FOXN2: variants seen among roughly 807,000 people sequenced by gnomAD.
FOXN2 encodes forkhead box N2, also known as forkhead box protein N2.
In FOXN2, 19 loss-of-function variants were observed where a neutral mutation model predicts 41.2. The ratio of observed to expected loss-of-function variants is 0.46; its 90% CI spans 0.32 to 0.68. The LOEUF (loss-of-function observed/expected upper bound fraction) is 0.68, where lower values mean the gene tolerates loss of function less well. Among genes scored for constraint, FOXN2 ranks in the 30% least tolerant of loss-of-function variants. The pLI is 0.03. For missense variants in FOXN2, 587 were observed against 509.4 expected, an observed-to-expected ratio of 1.15 and a Z score of -1.47; for synonymous variants, 195 against 176.8, an observed-to-expected ratio of 1.10 and a Z score of -0.82.
chr2:48,370,391 T>G (rs1439436754), intron 5 of FOXN2, among the ~76,000 whole-genome samples: 1 of 152,204 alleles, frequency 6.6e-6, no homozygotes, highest in Admixed American at 6.5e-5. Flanking sequence ...TTGATTCAAA[T>G]CCTTTGTACT....
chr2:48,349,856 C>A (rs972706585), intron 3 of FOXN2, among the ~76,000 whole-genome samples: 3 of 152,140 alleles, frequency 2.0e-5, no homozygotes, highest in African/African-American at 7.2e-5. Context: ...AAATGGCAGT[C>A]GTAAAAGAAT....
In FOXN2 at chr2:48,346,244, T is replaced by G. The variant is rs993313032; in HGVS notation, c.30T>G (p.Asp10Glu). 1.9e-6 allele frequency: 3 copies of G among 1,612,922 alleles called. No individual in the cohort carries two copies. Among genetic ancestry groups the G allele is most frequent in the Admixed American group, 1.7e-5 (1 of 59,668 alleles). The change falls in exon 3 of 7, where the codon GAT (aspartate) becomes GAG (glutamate). Residue 10 changes from aspartate to glutamate, a missense_variant. Physicochemically the swap from Asp to Glu is conservative, Grantham distance 45. Transcript: ENST00000340553. MGPVIGMTPDKRAETPGAEK... is the reference protein window; with the variant it reads MGPVIGMTPEKRAETPGAEK... ...GTCCAGTAATTGGAATGACTCCAGATAAGAGAGCTGAAACCCCAGGAGCTG... is the reference window on the plus strand; with the variant it reads ...GTCCAGTAATTGGAATGACTCCAGAGAAGAGAGCTGAAACCCCAGGAGCTG...
chr2:48,355,685 C>T (rs1671749803), intron 3 of FOXN2, among the ~76,000 whole-genome samples: 1 of 151,998 alleles, frequency 6.6e-6, no homozygotes, highest in Admixed American at 6.6e-5. Flanking sequence ...ACCTTGACAG[C>T]ACTTTTCTGA....
At chr2:48,342,822 T>C (rs1010508931) in intron 2 of FOXN2, among the ~76,000 whole-genome samples, 1 of 152,222 alleles carries the variant, frequency 6.6e-6, no homozygotes, top group African/African-American at 2.4e-5. Context: ...CTTACTAAGA[T>C]AATGTCAGCA....
chr2:48,339,661 C>T (rs1473169090), intron 2 of FOXN2, among the ~76,000 whole-genome samples: 3 of 152,154 alleles, frequency 2.0e-5, no homozygotes, highest in East Asian at 3.8e-4. Flanking sequence ...ATATACACTC[C>T]TGGTTAGTGG....
intron 1 of FOXN2, among the ~76,000 whole-genome samples, chr2:48,323,228 G>A (rs746132853): frequency 1.3e-5 from 2 of 151,852 alleles, no homozygotes; most frequent in Non-Finnish European, 2.9e-5. Context: ...TGTTTACAAC[G>A]TGTAATGATC....
chr2:48,357,937 C>G lies in FOXN2; in HGVS notation c.538-1110C>G, dbSNP rs796574531. Among the ~76,000 whole-genome samples the G allele has an allele frequency of 3.2e-4, 48 of 150,960 alleles. 1 individual carries two copies. The highest frequency in any genetic ancestry group is 1.0e-3 in the African/African-American group (43 of 41,118). ...AATGTGATATCTTGCTGCTAAACAC[C>G]AGGAAAATGTTTCTCCTGATAATCC... On this transcript the variant is annotated intron_variant, in intron 3 of 6. Coordinates refer to ENST00000340553, the MANE Select transcript of FOXN2 (RefSeq NM_002158.4).
At chr2:48,341,278 T>C (rs1022958142) in intron 2 of FOXN2, among the ~76,000 whole-genome samples, 3 of 152,164 alleles carry the variant, frequency 2.0e-5, no homozygotes, top group African/African-American at 7.2e-5. Flanking sequence ...AAGATGTAGT[T>C]TCTCATAAGA....
At chr2:48,354,505 C>T (rs921280571) in intron 3 of FOXN2, among the ~76,000 whole-genome samples, 2 of 152,144 alleles carry the variant, frequency 1.3e-5, no homozygotes, top group Non-Finnish European at 2.9e-5. Flanking sequence ...GAGGCTGAGG[C>T]AGGAGAATCA....
rs184123111 is a variant in FOXN2 at position 48,328,681 on chromosome 2, A to C, written c.-36A>C. ...CACTGTATGACTTATAGTACAGGTG[A>C]TATTACTTCTGATTCTAGATGGTAA... On this transcript the variant is annotated 5_prime_UTR_variant, in exon 2 of 7. Coordinates refer to ENST00000340553, the MANE Select transcript of FOXN2 (RefSeq NM_002158.4). 17 of 152,278 alleles carry C rather than the reference A, an allele frequency of 1.1e-4. No homozygotes were observed. In the East Asian group the frequency reaches 2.5e-3, roughly 22 times the overall value. 9.4% of individuals were successfully genotyped at this position (152,278 alleles called of 1,614,324 possible). A position where few individuals can be genotyped will look rare whatever the true frequency, so the allele number is the denominator to read the frequency against.
intron 1 of FOXN2, among the ~76,000 whole-genome samples, chr2:48,321,263 C>G (rs1558608792): frequency 6.6e-6 from 1 of 152,144 alleles, no homozygotes; most frequent in Non-Finnish European, 1.5e-5. Context: ...AGGCTGGGCA[C>G]AGTGGCTCAT....
At chr2:48,355,070 G>A (rs1413060789) in intron 3 of FOXN2, among the ~76,000 whole-genome samples, 1 of 152,096 alleles carries the variant, frequency 6.6e-6, no homozygotes, top group African/African-American at 2.4e-5. Flanking sequence ...CTCCCCTAGA[G>A]TAACATTCAT....
intron 4 of FOXN2, among the ~76,000 whole-genome samples, chr2:48,362,163 T>C (rs1377289614): frequency 1.3e-5 from 2 of 152,268 alleles, no homozygotes; most frequent in African/African-American, 4.8e-5. Context: ...CCTATGCTCT[T>C]TCTGCTTTGG....
intron 5 of FOXN2, among the ~76,000 whole-genome samples, chr2:48,364,656 A>G (rs1159679515): frequency 6.6e-6 from 1 of 152,268 alleles, no homozygotes; most frequent in Non-Finnish European, 1.5e-5. Context: ...TAGACTAGAA[A>G]AGGGGTTGGC....
chr2:48,371,109 C>T (rs572051228), intron 5 of FOXN2, among the ~76,000 whole-genome samples: 8 of 152,034 alleles, frequency 5.3e-5, no homozygotes, highest in South Asian at 4.2e-4. Flanking sequence ...AGTCCACTGG[C>T]GGAGGGGGTG....
intron 5 of FOXN2, among the ~76,000 whole-genome samples, chr2:48,365,140 G>T (rs1400413090): frequency 1.3e-5 from 2 of 152,098 alleles, no homozygotes; most frequent in African/African-American, 4.8e-5. Context: ...ACCTTTCTGT[G>T]TATCAGAAAT....
In FOXN2 at chr2:48,362,652, A is replaced by G; in HGVS notation, c.648A>G (p.Leu216=). The change falls in exon 5 of 7, where the codon TTA becomes TTG. Residue 216 remains leucine, a synonymous_variant. Transcript: ENST00000340553. ...FSSASSQNGS[L]SPHYLSSVIK... is the part of the protein sequence containing the mutation. Reference sequence around the variant, plus strand: ...TCTGTTTGTTTTTCAGTGGTTCTTTATCACCTCACTATTTAAGCTCTGTAA... The same window carrying G: ...TCTGTTTGTTTTTCAGTGGTTCTTTGTCACCTCACTATTTAAGCTCTGTAA... 6.2e-7 allele frequency: 1 copy of G among 1,613,904 alleles called. No homozygotes were observed. The highest frequency in any genetic ancestry group is 2.2e-5 in the East Asian group (1 of 44,874).
chr2:48,369,250 G>A (rs1672728932), intron 5 of FOXN2, among the ~76,000 whole-genome samples: 1 of 152,166 alleles, frequency 6.6e-6, no homozygotes, highest in African/African-American at 2.4e-5. Flanking sequence ...TAAAAGAAGT[G>A]AAGTTAGGCC....
Position 48,346,654 on chromosome 2 carries a change from C to A in FOXN2, c.440C>A (p.Pro147Gln), listed in dbSNP as rs750962485. The part of the protein sequence containing the change: ...EIYSWILDHF[P>Q]YFATAPTGWK... ...TATAGCTGGATTCTGGACCATTTTC[C>A]ATATTTTGCTACTGCACCAACAGGC... The change falls in exon 3 of 7, where the codon CCA becomes CAA. Residue 147 changes from proline to glutamine, a missense_variant. Coordinates refer to ENST00000340553, the MANE Select transcript of FOXN2 (RefSeq NM_002158.4). 5.6e-6 allele frequency: 9 copies of A among 1,613,970 alleles called. No individual in the cohort carries two copies. The highest frequency in any genetic ancestry group is 7.6e-6 in the Non-Finnish European group (9 of 1,179,992).
Sources: gnomAD v4.1 joint callset for allele counts (sites outside exome capture counted in the v4.1 genomes callset) on GRCh38, gnomAD v4.1.1 for gene constraint, MANE v1.5 for transcripts, NCBI Gene and HGNC (gene_info 2026-07-23, HGNC 2026-07-21) for gene names.